Variants in NSUN2 observed in about 807,000 individuals in gnomAD.
NSUN2 encodes the protein NOP2/Sun RNA methyltransferase 2.
A neutral mutation model predicts 92.7 loss-of-function variants in NSUN2; 63 were observed. That is an observed-to-expected ratio of 0.68 (90% CI 0.56 to 0.84). NSUN2 has a LOEUF of 0.84. Among genes scored for constraint, NSUN2 ranks in the 40% least tolerant of loss-of-function variants. NSUN2 has a pLI of 0.00. For synonymous variants in NSUN2, 356 were observed against 348.3 expected (o/e 1.02, Z -0.25); for missense variants, 989 against 964.9 (o/e 1.02, Z -0.33).
chr5:6,600,171 G>A lies in NSUN2; in HGVS notation c.2059C>T (p.Arg687Ter), dbSNP rs886060728. The change falls in exon 19 of 19, where the codon CGA becomes TGA. Residue 687 changes from arginine (R) to a stop codon, truncating the protein, a stop_gained. Coordinates refer to ENST00000264670, the MANE Select transcript of NSUN2 (RefSeq NM_017755.6). LOFTEE classifies it low-confidence loss of function (END_TRUNC). The stretch of plus-strand genomic sequence containing the variant: ...CGTTCATTCTTGGGCACAAAAGTTC[G>A]AATGGAGGCCTTTCCCCGCCATCCG... ...LCGWRGKASI[R>*]TFVPKNERLH... 12 of 1,614,086 alleles carry A rather than the reference G, an allele frequency of 7.4e-6. No individual in the cohort carries two copies. The highest frequency in any genetic ancestry group is 3.3e-5 in the Admixed American group (2 of 60,008).
intron 11 of NSUN2, 104 bp downstream of exon 11, chr5:6,610,851 A>G: frequency 7.2e-7 from 1 of 1,382,206 alleles, no homozygotes; most frequent in Non-Finnish European, 9.9e-7. Context: ...CCTCACAGCA[A>G]TGTCACCTGC....
chr5:6,615,965 T>C (rs1417282741), intron 9 of NSUN2, among the ~76,000 whole-genome samples: 1 of 152,240 alleles, frequency 6.6e-6, no homozygotes, highest in Non-Finnish European at 1.5e-5. Context: ...CCCATTAGGA[T>C]GGCTACTAAC....
intron 6 of NSUN2, chr5:6,620,918 A>G (rs4702371): frequency 0.68 from 102,892 of 152,204 alleles, 34,926 homozygotes; most frequent in Middle Eastern, 0.74. Context: ...ACCTGCTGCT[A>G]CTGGGACGCC....
intron 3 of NSUN2, among the ~76,000 whole-genome samples, chr5:6,630,113 A>G (rs919218114): frequency 2.6e-5 from 4 of 152,178 alleles, no homozygotes; most frequent in Non-Finnish European, 5.9e-5. Context: ...AGTTACCAGG[A>G]GGAAGAAAAG....
Position 6,623,237 on chromosome 5 carries a change from G to A in NSUN2, c.514C>T (p.Leu172Phe). The A allele has an allele frequency of 6.2e-7, 1 of 1,607,344 alleles. No homozygotes were observed. The highest frequency in any genetic ancestry group is 2.2e-5 in the East Asian group (1 of 44,786). The change falls in exon 5 of 19, where the codon CTC becomes TTC. Residue 172 changes from leucine (L) to phenylalanine (F), a missense_variant. Around this residue, in one of 3 missense-constraint regions of NSUN2, gnomAD observed 356 missense variants for 338.6 expected, o/e 1.05. Coordinates refer to ENST00000264670, the MANE Select transcript of NSUN2 (RefSeq NM_017755.6). ...EAVSMIPPLL[L>F]NVRPHHKILD... is the part of the protein sequence containing the mutation. The stretch of plus-strand genomic sequence containing the variant: ...ACCTTATGATGAGGCCGCACGTTGA[G>A]GAGCAGTGGTGGGATCATGCTAACA...
intron 3 of NSUN2, among the ~76,000 whole-genome samples, chr5:6,631,437 CCAGGAGACAACCTGACAGCAGA>C (rs752608654): frequency 6.0e-4 from 92 of 152,268 alleles, no homozygotes; most frequent in Non-Finnish European, 9.9e-4. Flanking sequence ...CTGCGAAGTA[CCAGGAGACAACCTGACAGCAGA>C]CAGTGGTAAC....
chr5:6,628,594 G>A (rs1387590159), intron 3 of NSUN2, among the ~76,000 whole-genome samples: 2 of 152,246 alleles, frequency 1.3e-5, no homozygotes, highest in South Asian at 2.1e-4. Flanking sequence ...GGATTGGGAA[G>A]AATATTACAT....
intron 9 of NSUN2, among the ~76,000 whole-genome samples, chr5:6,612,864 C>T (rs1261259210): frequency 6.6e-6 from 1 of 152,196 alleles, no homozygotes; most frequent in African/African-American, 2.4e-5. Context: ...TGGAAGCTGC[C>T]AATGCTACCC....
At chr5:6,617,302 G>A (rs1171387388) in intron 8 of NSUN2, among the ~76,000 whole-genome samples, 5 of 152,124 alleles carry the variant, frequency 3.3e-5, no homozygotes. Context: ...TGGTTGTGGT[G>A]GATGCTAATT....
chr5:6,629,531 T>C (rs1737786069), intron 3 of NSUN2, among the ~76,000 whole-genome samples: 2 of 152,240 alleles, frequency 1.3e-5, no homozygotes, highest in African/African-American at 4.8e-5. Flanking sequence ...ATCCCGTCTC[T>C]GCGCTTCTAA....
At chr5:6,607,824 G>A (rs914662644) in intron 12 of NSUN2, among the ~76,000 whole-genome samples, 11 of 152,014 alleles carry the variant, frequency 7.2e-5, no homozygotes, top group African/African-American at 2.4e-4. Flanking sequence ...TGGGCACCTG[G>A]ACAAACTGCC....
At chr5:6,605,835 T>C (rs767929136) in intron 14 of NSUN2, among the ~76,000 whole-genome samples, 14 of 149,940 alleles carry the variant, frequency 9.3e-5, no homozygotes, top group South Asian at 2.2e-4. Context: ...GCTGTGATTA[T>C]AGGTGCACGC....
At chr5:6,601,468 CATCT>C (rs1288690435) in intron 18 of NSUN2, among the ~76,000 whole-genome samples, 4 of 152,062 alleles carry the variant, frequency 2.6e-5, no homozygotes, top group African/African-American at 9.7e-5. Flanking sequence ...CCAGCCCATC[CATCT>C]GTTGTTCCCT....
intron 12 of NSUN2, among the ~76,000 whole-genome samples, chr5:6,608,792 G>T (rs1736879796): frequency 6.6e-6 from 1 of 152,236 alleles, no homozygotes; most frequent in South Asian, 2.1e-4. Flanking sequence ...CACTTAAAAT[G>T]TGACAAGCGC....
Position 6,599,874 on chromosome 5 carries a change from A to C in NSUN2, c.*52T>G, listed in dbSNP as rs199535081. On this transcript the variant is annotated 3_prime_UTR_variant, in exon 19 of 19. Coordinates refer to ENST00000264670, the MANE Select transcript of NSUN2 (RefSeq NM_017755.6). ...TTGGTTTCAGACACCAGTGACCAGA[A>C]GAAGCCAGTTTTGCGTGTGAGGGGT... is the stretch of plus-strand genomic sequence containing the variant. 222 of 1,548,882 alleles carry C rather than the reference A, an allele frequency of 1.4e-4. No homozygotes were observed. The highest frequency in any genetic ancestry group is 1.8e-4 in the East Asian group (8 of 44,506).
At chr5:6,611,281 T>C (rs1369550776) in intron 10 of NSUN2, among the ~76,000 whole-genome samples, 196 bp from the exon 11 acceptor site, 3 of 152,120 alleles carry the variant, frequency 2.0e-5, no homozygotes, top group Non-Finnish European at 4.4e-5. Context: ...ATAAATTCTG[T>C]TAAAAACAAA....
In NSUN2 at chr5:6,609,807, TG is replaced by T; in HGVS notation, c.1323+18del. The T allele has an allele frequency of 6.3e-7, 1 of 1,587,154 alleles. No homozygotes were observed. The highest frequency in any genetic ancestry group is 8.6e-7 in the Non-Finnish European group (1 of 1,158,774). On this transcript the variant is annotated intron_variant, in intron 12 of 18. Transcript: ENST00000264670. ...TACAAGATCAAATGTTATGTCATTT[TG>T]GAAAAAGAAAAACTCACCTTTGGCT...
chr5:6,607,371 G>A lies in NSUN2; in HGVS notation c.1337C>T (p.Ser446Phe). The A allele has an allele frequency of 6.2e-7, 1 of 1,612,656 alleles. No homozygotes were observed. Among genetic ancestry groups the A allele is most frequent in the Non-Finnish European group, 8.5e-7 (1 of 1,179,038 alleles). ...CTGTGTGCTTTCTCTGGTCTCTGCAGATTTACCCTGAAGCTGTCATAAAGA... is the reference window on the plus strand; with the variant it reads ...CTGTGTGCTTTCTCTGGTCTCTGCAAATTTACCCTGAAGCTGTCATAAAGA... ...NKRQPKLQGK[S>F]AETRESTQLS... The change falls in exon 13 of 19, where the codon TCT becomes TTT. Residue 446 changes from serine to phenylalanine, a missense_variant. Transcript: ENST00000264670.
chr5:6,627,376 A>T lies in NSUN2; in HGVS notation c.360-1707T>A, dbSNP rs143747607. Among the ~76,000 whole-genome samples the T allele has an allele frequency of 9.4e-3, 1,434 of 152,304 alleles. 19 individuals are homozygous for T. The highest frequency in any genetic ancestry group is 0.033 in the African/African-American group (1,351 of 41,560). Reference sequence around the variant, plus strand: ...TGGTCTTCCTGAACTTGTCTGTCTCAAAGCTAGTACGATCATGTAAGTTAT... The same window carrying T: ...TGGTCTTCCTGAACTTGTCTGTCTCTAAGCTAGTACGATCATGTAAGTTAT... On this transcript the variant is annotated intron_variant, in intron 3 of 18. Transcript: ENST00000264670.
Sources: allele counts gnomAD v4.1 joint callset (sites outside exome capture counted in the v4.1 genomes callset), GRCh38; gene constraint gnomAD v4.1.1; regional missense constraint gnomAD v4.1.1; transcripts MANE v1.5; gene names NCBI Gene and HGNC (gene_info 2026-07-23, HGNC 2026-07-21).